ASIC2: variants seen among roughly 807,000 people sequenced by gnomAD.
ASIC2 encodes the protein acid-sensing ion channel 2.
Under a neutral mutation model 57.3 loss-of-function variants are expected in ASIC2, and 25 were observed. The ratio of observed to expected loss-of-function variants is 0.44; its 90% confidence interval spans 0.32 to 0.61. The LOEUF (loss-of-function observed/expected upper bound fraction) is 0.61. Ranked by LOEUF, ASIC2 falls within the 20% of genes least tolerant of loss-of-function variation. The pLI is 0.06. For synonymous variants in ASIC2, 319 were observed against 307.5 expected, an observed-to-expected ratio of 1.04 and a Z score of -0.39; for missense variants, 641 against 738.1, an observed-to-expected ratio of 0.87 and a Z score of 1.52.
intron 1 of ASIC2, among the ~76,000 whole-genome samples, chr17:33,621,234 A>G (rs1905784253): frequency 6.6e-6 from 1 of 152,218 alleles, no homozygotes; most frequent in South Asian, 2.1e-4. Context: ...CGTAAGTAAT[A>G]TAATAGAATG....
At position 33,785,645 on chromosome 17, in the gene ASIC2, T is replaced by C. The variant is rs181054738; in HGVS notation, c.555+370333A>G. On this transcript the variant is annotated intron_variant, in intron 1 of 9. Transcript: ENST00000359872. ...TCTTTTTGTGAATCACAGATGTGGG[T>C]TCTAGTCACATGTGATTTTGAAAGT... Among the ~76,000 whole-genome samples the C allele has an allele frequency of 2.6e-3, 403 of 152,310 alleles. 4 individuals are homozygous for C. Among genetic ancestry groups the C allele is most frequent in the Middle Eastern group, 6.8e-3 (2 of 294 alleles).
intron 1 of ASIC2, among the ~76,000 whole-genome samples, chr17:33,209,337 C>G (rs1302560744): frequency 6.6e-6 from 1 of 152,046 alleles, no homozygotes; most frequent in Non-Finnish European, 1.5e-5. Flanking sequence ...ATAGGTCAGC[C>G]ATACAAATAA....
At chr17:33,922,594 TAC>T (rs1915730392) in intron 1 of ASIC2, among the ~76,000 whole-genome samples, 1 of 152,240 alleles carries the variant, frequency 6.6e-6, no homozygotes, top group Non-Finnish European at 1.5e-5. Context: ...ATGAACATTC[TAC>T]AAATGTGAAC....
At chr17:33,199,432 A>G (rs1171363461) in intron 1 of ASIC2, among the ~76,000 whole-genome samples, 1 of 152,194 alleles carries the variant, frequency 6.6e-6, no homozygotes, top group African/African-American at 2.4e-5. Flanking sequence ...ACCACAGAGC[A>G]GGGTTCAAAT....
At position 33,105,915 on chromosome 17, in the gene ASIC2, G is replaced by A. The variant is rs189492343; in HGVS notation, c.859+6002C>T. ...GTGGAACTTTGAACTTGAGAGAGAC[G>A]ATTTAGAGTATCTGGTGGAAGAAAT... is the stretch of plus-strand genomic sequence containing the variant. On this transcript the variant is annotated intron_variant, in intron 2 of 9. Transcript: ENST00000225823. Among the ~76,000 whole-genome samples the A allele has an allele frequency of 1.8e-3, 273 of 152,328 alleles. 2 individuals are homozygous for A. The highest frequency in any genetic ancestry group is 0.016 in the South Asian group (79 of 4,828).
chr17:33,264,422 G>C (rs892649997), intron 1 of ASIC2, among the ~76,000 whole-genome samples: 3 of 152,216 alleles, frequency 2.0e-5, no homozygotes, highest in Non-Finnish European at 4.4e-5. Flanking sequence ...TTACAGATGA[G>C]AAAACCAAGA....
intron 1 of ASIC2, chr17:34,039,823 T>G (rs1908036997): frequency 4.4e-6 from 7 of 1,608,546 alleles, no homozygotes; most frequent in Admixed American, 1.7e-5. Flanking sequence ...AAACCTGGCC[T>G]CCAATAATTT....
Position 33,123,850 on chromosome 17 carries a change from G to A in ASIC2, c.709-11783C>T, listed in dbSNP as rs568470468. Among the ~76,000 whole-genome samples, 11 of 152,262 alleles carry A rather than the reference G, an allele frequency of 7.2e-5. No individual in the cohort carries two copies. The East Asian group carries it at 1.5e-3, about 21-fold the overall frequency. ...ACCTGCTGGGAATATCCCTTCTTTC[G>A]TGCAGGTGTGGAATGGGAGAAGGAA... On this transcript the variant is annotated intron_variant, in intron 1 of 9. Transcript: ENST00000225823.
chr17:33,681,123 T>C (rs1907988354), intron 1 of ASIC2, among the ~76,000 whole-genome samples: 1 of 152,212 alleles, frequency 6.6e-6, no homozygotes. Context: ...TCCTTCCCAG[T>C]TGAATGCATT....
At chr17:33,422,535 C>T (rs1477961566) in intron 1 of ASIC2, among the ~76,000 whole-genome samples, 4 of 152,200 alleles carry the variant, frequency 2.6e-5, no homozygotes, top group Non-Finnish European at 4.4e-5. Flanking sequence ...AGGTAGTTGA[C>T]AGTCCTGCCC....
chr17:34,029,446 T>G (rs1272479670), intron 1 of ASIC2, among the ~76,000 whole-genome samples: 1 of 152,046 alleles, frequency 6.6e-6, no homozygotes. Flanking sequence ...GTACAGCCCT[T>G]CATAGTTTCT....
At chr17:33,729,526 T>C (rs896069546) in intron 1 of ASIC2, among the ~76,000 whole-genome samples, 3 of 152,230 alleles carry the variant, frequency 2.0e-5, no homozygotes, top group African/African-American at 7.2e-5. Flanking sequence ...TTCTGGAGTC[T>C]TCTAAGTGGT....
intron 1 of ASIC2, among the ~76,000 whole-genome samples, chr17:33,189,036 A>G (rs1368708527): frequency 6.6e-6 from 1 of 152,168 alleles, no homozygotes; most frequent in Non-Finnish European, 1.5e-5. Flanking sequence ...TAAGTTTCTG[A>G]TACTATACAT....
chr17:33,529,901 T>G (rs1054324866), intron 1 of ASIC2: 3 of 152,226 alleles, frequency 2.0e-5, no homozygotes, highest in African/African-American at 7.2e-5. Context: ...CCTGCCTTTG[T>G]GCTCCTCCGG....
chr17:34,096,767 G>A (rs1312631194), intron 1 of ASIC2, among the ~76,000 whole-genome samples: 2 of 137,526 alleles, frequency 1.5e-5, no homozygotes, highest in African/African-American at 2.7e-5. Context: ...TGAGGCAGGA[G>A]AATGGTGTGA....
At chr17:33,149,143 A>G (rs1006512257) in intron 1 of ASIC2, among the ~76,000 whole-genome samples, 4 of 152,328 alleles carry the variant, frequency 2.6e-5, no homozygotes, top group Middle Eastern at 3.4e-3. Context: ...CAAACTTGAC[A>G]TATATCTTTT....
intron 1 of ASIC2, among the ~76,000 whole-genome samples, chr17:33,135,258 C>A (rs187051175): frequency 6.6e-6 from 1 of 152,242 alleles, no homozygotes; most frequent in East Asian, 1.9e-4. Context: ...ATGCCTTTGC[C>A]ACTGCTCTTC....
intron 1 of ASIC2, among the ~76,000 whole-genome samples, chr17:33,373,526 G>A (rs1411678075): frequency 6.6e-6 from 1 of 152,228 alleles, no homozygotes; most frequent in African/African-American, 2.4e-5. Flanking sequence ...CACAAGATTA[G>A]GATTCTGAGA....
At chr17:33,087,995 T>C (rs1435205888) in intron 3 of ASIC2, among the ~76,000 whole-genome samples, 6 of 152,194 alleles carry the variant, frequency 3.9e-5, no homozygotes, top group Non-Finnish European at 8.8e-5. Flanking sequence ...GTATCCTTCC[T>C]TGCTCCTCCG....
Sources: allele counts gnomAD v4.1 joint callset (sites outside exome capture counted in the v4.1 genomes callset), GRCh38; gene constraint gnomAD v4.1.1; transcripts MANE v1.5; gene names NCBI Gene and HGNC (gene_info 2026-07-23, HGNC 2026-07-21).